Variants in CFAP299 observed in about 807,000 individuals in gnomAD.
The protein encoded by CFAP299 is cilia- and flagella-associated protein 299.
CFAP299 carries 21 observed loss-of-function variants against 27.0 expected under a neutral mutation model. The observed-to-expected ratio is 0.78, with a 90% CI of 0.55 to 1.12. The LOEUF is 1.12. Ranked by LOEUF, CFAP299 falls within the 50% of genes most tolerant of loss-of-function variation. The pLI is 0.00. For synonymous variants in CFAP299, 104 were observed against 98.1 expected, an observed-to-expected ratio of 1.06 and a Z score of -0.36; for missense variants, 310 against 276.6, an observed-to-expected ratio of 1.12 and a Z score of -0.86.
At chr4:80,334,325 A>T (rs78259658), upstream of CFAP299, among the ~76,000 whole-genome samples, 3,259 of 152,300 alleles carry the variant, frequency 0.021, 70 homozygotes, top group Admixed American at 0.069. Context: ...AATAAACCCA[A>T]ACATTCTCTA....
At chr4:80,782,704 TATA>T (rs1177589977) in intron 3 of CFAP299, among the ~76,000 whole-genome samples, 1 of 133,642 alleles carries the variant, frequency 7.5e-6, no homozygotes, top group African/African-American at 2.8e-5. Flanking sequence ...TATATTCATA[TATA>T]ATATACATAT....
At chr4:80,686,843 C>A (rs1720229631) in intron 3 of CFAP299, among the ~76,000 whole-genome samples, 1 of 152,134 alleles carries the variant, frequency 6.6e-6, no homozygotes, top group South Asian at 2.1e-4. Context: ...CGTGGTATAA[C>A]ATTTCTGTTC....
intron 2 of CFAP299, among the ~76,000 whole-genome samples, chr4:80,410,703 A>G (rs1213916720): frequency 1.3e-5 from 2 of 152,222 alleles, no homozygotes; most frequent in East Asian, 1.9e-4. Flanking sequence ...AAGATGAAGC[A>G]TTGCATTAAT....
At chr4:80,798,910 T>C (rs1375405906) in intron 3 of CFAP299, among the ~76,000 whole-genome samples, 2 of 151,544 alleles carry the variant, frequency 1.3e-5, no homozygotes, top group East Asian at 1.9e-4. Flanking sequence ...ATCAGTGTTC[T>C]CCATACTATT....
At position 80,797,744 on chromosome 4, in the gene CFAP299, T is replaced by C. The variant is rs116419811; in HGVS notation, c.334-72249T>C. Reference sequence around the variant, plus strand: ...TATTTCAGAAGGCATTGGTCAAGGGTGTATCTTCTGGGCCTTCCCAGCTGG... The same window carrying C: ...TATTTCAGAAGGCATTGGTCAAGGGCGTATCTTCTGGGCCTTCCCAGCTGG... On this transcript the variant is annotated intron_variant, in intron 3 of 5. Coordinates refer to ENST00000358105, the MANE Select transcript of CFAP299 (RefSeq NM_152770.3). Among the ~76,000 whole-genome samples, 359 of 152,208 alleles carry C rather than the reference T, an allele frequency of 2.4e-3. 1 individual carries two copies. The highest frequency in any genetic ancestry group is 8.2e-3 in the African/African-American group (341 of 41,536).
chr4:80,799,824 ATATATTTATATATTATAT>A, intron 3 of CFAP299, among the ~76,000 whole-genome samples: 1 of 38,512 alleles, frequency 2.6e-5, no homozygotes, highest in African/African-American at 1.1e-4. Context: ...TATATATTAT[ATATATTTATATATTATAT>A]TATATAATAT....
intron 3 of CFAP299, among the ~76,000 whole-genome samples, chr4:80,803,041 C>T (rs1382187316): frequency 6.6e-6 from 1 of 152,048 alleles, no homozygotes; most frequent in Non-Finnish European, 1.5e-5. Flanking sequence ...TTTTCATCAA[C>T]TGTATATTAG....
chr4:80,772,989 G>A (rs1394894847), intron 3 of CFAP299, among the ~76,000 whole-genome samples: 1 of 152,094 alleles, frequency 6.6e-6, no homozygotes, highest in Admixed American at 6.6e-5. Context: ...GCTGGATAAA[G>A]AAAATGTGGT....
intron 3 of CFAP299, among the ~76,000 whole-genome samples, chr4:80,830,062 A>G (rs1018239811): frequency 1.3e-5 from 2 of 152,094 alleles, no homozygotes; most frequent in Non-Finnish European, 2.9e-5. Flanking sequence ...AATGGTTACA[A>G]TGGTAAATTT....
At chr4:80,461,693 C>T (rs1045453825) in intron 2 of CFAP299, among the ~76,000 whole-genome samples, 2 of 152,200 alleles carry the variant, frequency 1.3e-5, no homozygotes, top group South Asian at 2.1e-4. Flanking sequence ...GGTTGAGGTG[C>T]TTAGAATGTT....
chr4:80,338,499 T>G (rs1722275399), intron 1 of CFAP299, among the ~76,000 whole-genome samples: 1 of 152,186 alleles, frequency 6.6e-6, no homozygotes, highest in Non-Finnish European at 1.5e-5. Context: ...CAATATTGTG[T>G]TTTTAATCAA....
chr4:80,683,636 G>GT (rs1312735047), intron 3 of CFAP299, among the ~76,000 whole-genome samples: 1 of 152,124 alleles, frequency 6.6e-6, no homozygotes, highest in Non-Finnish European at 1.5e-5. Context: ...ACTGCTCAAA[G>GT]TAAGTCTCTT....
At chr4:80,608,263 A>G in intron 3 of CFAP299, 1 of 1,021,908 alleles carries the variant, frequency 9.8e-7, no homozygotes, top group Non-Finnish European at 1.5e-6. Flanking sequence ...TTCAAGCTAT[A>G]CTTTAGATAG....
chr4:80,871,541 T>C (rs1560456959), intron 4 of CFAP299: 1 of 985,456 alleles, frequency 1.0e-6, no homozygotes, highest in South Asian at 4.7e-5. Context: ...AGCCTGCTAT[T>C]GCTTCTGTGT....
At chr4:80,925,926 CAGAATGTGAATCAGTTATT>C (rs1180361946) in intron 4 of CFAP299, among the ~76,000 whole-genome samples, 1 of 152,032 alleles carries the variant, frequency 6.6e-6, no homozygotes, top group Admixed American at 6.6e-5. Context: ...GTTGAAATGA[CAGAATGTGAATCAGTTATT>C]ACAGAACAGA....
intron 3 of CFAP299, among the ~76,000 whole-genome samples, chr4:80,682,369 C>G (rs1719896658): frequency 6.6e-6 from 1 of 152,054 alleles, no homozygotes; most frequent in Non-Finnish European, 1.5e-5. Context: ...TCTCCCCTAT[C>G]TGTTTTCTTG....
chr4:80,621,443 A>C (rs1414590474), intron 3 of CFAP299, among the ~76,000 whole-genome samples: 1 of 152,110 alleles, frequency 6.6e-6, no homozygotes, highest in South Asian at 2.1e-4. Context: ...ACTCTTTTTC[A>C]TATGACAGTT....
At chr4:80,423,234 A>G (rs1443536634) in intron 2 of CFAP299, among the ~76,000 whole-genome samples, 1 of 152,224 alleles carries the variant, frequency 6.6e-6, no homozygotes, top group Admixed American at 6.5e-5. Flanking sequence ...ACTGCCATCT[A>G]TATGTAAATA....
intron 2 of CFAP299, among the ~76,000 whole-genome samples, chr4:80,379,208 T>C (rs746692387): frequency 1.6e-4 from 24 of 152,170 alleles, no homozygotes; most frequent in Admixed American, 4.6e-4. Context: ...CTAATCAATC[T>C]ATAGGCATAA....
Sources: gnomAD v4.1 joint callset for allele counts (sites outside exome capture counted in the v4.1 genomes callset) on GRCh38, gnomAD v4.1.1 for gene constraint, MANE v1.5 for transcripts, NCBI Gene and HGNC (gene_info 2026-07-23, HGNC 2026-07-21) for gene names.